The following RPS6KA2 variants were observed in gnomAD, a reference collection of about 807,000 sequenced individuals.
RPS6KA2 encodes ribosomal protein S6 kinase alpha-2.
Under a neutral mutation model 91.8 loss-of-function variants are expected in RPS6KA2, and 42 were observed. The ratio of observed to expected loss-of-function variants is 0.46; its 90% CI spans 0.36 to 0.59. RPS6KA2 has a LOEUF of 0.59. Ranked by LOEUF, RPS6KA2 falls within the 20% of genes least tolerant of loss-of-function variation. RPS6KA2 has a pLI of 0.00. For synonymous variants in RPS6KA2, 414 were observed against 393.6 expected (o/e 1.05, Z -0.61); for missense variants, 798 against 978.5 (o/e 0.82, Z 2.46).
At chr6:166,636,082 C>T (rs1446309035) in intron 2 of RPS6KA2, among the ~76,000 whole-genome samples, 3 of 152,216 alleles carry the variant, frequency 2.0e-5, no homozygotes, top group African/African-American at 4.8e-5. Context: ...ACTGACTCTG[C>T]TACAAAGACC....
At chr6:166,728,326 C>T (rs1044999572) in intron 2 of RPS6KA2, among the ~76,000 whole-genome samples, 10 of 152,188 alleles carry the variant, frequency 6.6e-5, no homozygotes, top group African/African-American at 2.4e-4. Context: ...GACCCAGGTT[C>T]CACGTGGTGT....
At chr6:166,729,004 C>T (rs1189764303) in intron 2 of RPS6KA2, among the ~76,000 whole-genome samples, 1 of 152,228 alleles carries the variant, frequency 6.6e-6, no homozygotes, top group Non-Finnish European at 1.5e-5. Context: ...GTGACTGCTG[C>T]AAAAAGTGAC....
chr6:166,660,314 G>GTGTGTGTGTGTGCA (rs1377866116), intron 2 of RPS6KA2, among the ~76,000 whole-genome samples: 8 of 151,368 alleles, frequency 5.3e-5, no homozygotes, highest in East Asian at 1.9e-4. Flanking sequence ...GTGTGTGCAT[G>GTGTGTGTGTGTGCA]TGTGTGTGTG....
chr6:166,745,213 GCC>G (rs1562413633), intron 2 of RPS6KA2, among the ~76,000 whole-genome samples: 2 of 148,870 alleles, frequency 1.3e-5, no homozygotes, highest in Non-Finnish European at 3.0e-5. Context: ...GTGCAGTGGC[GCC>G]ATCTCGGCTC....
chr6:166,526,106 CCA>C (rs1783018138), intron 3 of RPS6KA2, among the ~76,000 whole-genome samples: 2 of 142,162 alleles, frequency 1.4e-5, no homozygotes, highest in Non-Finnish European at 3.1e-5. Flanking sequence ...ATGGTTAGAT[CCA>C]GGGACCTAAC....
chr6:166,459,533 T>C lies in RPS6KA2; in HGVS notation c.991A>G (p.Ile331Val). 6.2e-7 allele frequency: 1 copy of C among 1,613,670 alleles called. No individual in the cohort carries two copies. The change falls in exon 12 of 21, where the codon ATC becomes GTC. Residue 331 changes from isoleucine (I) to valine (V), a missense_variant. By Grantham distance (29) the Ile-to-Val change is conservative (BLOSUM62 3). Coordinates refer to ENST00000265678, the MANE Select transcript of RPS6KA2 (RefSeq NM_021135.6). This position sits in a 1 kb window ranked among gnomAD's most constrained non-coding sequence, Gnocchi z 4.9. ...ACTGCTGGTTTGAACGGTGGCTTGA[T>C]CTCCTTCCGGTACAGCGTCTATTAA... The part of the protein sequence containing the change: ...IDWNTLYRKE[I>V]KPPFKPAVGR...
rs1387375104 is a variant in RPS6KA2 at position 166,603,969 on chromosome 6, G to A, written c.99+22952C>T. Among the ~76,000 whole-genome samples, 1 of 152,162 alleles carries A rather than the reference G, an allele frequency of 6.6e-6. No individual in the cohort carries two copies. The highest frequency in any genetic ancestry group is 1.5e-5 in the Non-Finnish European group (1 of 68,010). On this transcript the variant is annotated intron_variant, in intron 1 of 20. Transcript: ENST00000265678. The surrounding 1 kb of genome is among the most constrained non-coding windows in gnomAD (Gnocchi z 4.3). ...AAGAACTTCTCCAACTCGTCCTAACGTGTCCCTCCTAGAAGTCACGAAGAG... is the reference window on the plus strand; with the variant it reads ...AAGAACTTCTCCAACTCGTCCTAACATGTCCCTCCTAGAAGTCACGAAGAG...
chr6:166,716,687 A>G (rs1267825625), intron 2 of RPS6KA2, among the ~76,000 whole-genome samples: 2 of 152,224 alleles, frequency 1.3e-5, no homozygotes, highest in East Asian at 1.9e-4. Flanking sequence ...ATTCATTTGG[A>G]AAAATAGTTA....
chr6:166,585,735 T>C (rs1333092031), intron 1 of RPS6KA2, among the ~76,000 whole-genome samples: 1 of 83,308 alleles, frequency 1.2e-5, no homozygotes, highest in East Asian at 2.6e-4. Flanking sequence ...TATCAACCTC[T>C]AGAATTTTAG....
At chr6:166,685,025 C>T (rs116566369) in intron 2 of RPS6KA2, among the ~76,000 whole-genome samples, 95 of 152,344 alleles carry the variant, frequency 6.2e-4, no homozygotes, top group African/African-American at 2.1e-3. Flanking sequence ...GATGTCACTG[C>T]GGGATGGTAG....
intron 1 of RPS6KA2, among the ~76,000 whole-genome samples, chr6:166,599,171 A>G (rs551610079): frequency 6.6e-6 from 1 of 152,368 alleles, no homozygotes; most frequent in South Asian, 2.1e-4. Context: ...GAAAGCAGGT[A>G]GAGGTTTTTA....
intron 3 of RPS6KA2, among the ~76,000 whole-genome samples, chr6:166,524,435 G>C (rs747551821): frequency 1.3e-5 from 2 of 151,974 alleles, no homozygotes; most frequent in Non-Finnish European, 2.9e-5. Flanking sequence ...GGGCGCACCT[G>C]TGTTCTCCGT....
intron 10 of RPS6KA2, among the ~76,000 whole-genome samples, chr6:166,481,463 C>CCTTTGCTGAGTT: frequency 6.6e-6 from 1 of 152,328 alleles, no homozygotes; most frequent in South Asian, 2.1e-4. Flanking sequence ...AGAGTGGAGG[C>CCTTTGCTGAGTT]CTCTGATGAG....
chr6:166,644,089 G>A (rs566485144), intron 2 of RPS6KA2, among the ~76,000 whole-genome samples: 1 of 152,304 alleles, frequency 6.6e-6, no homozygotes, highest in East Asian at 1.9e-4. Flanking sequence ...AGTGCAGAAT[G>A]AGGATTAACT....
rs564792450 is a variant in RPS6KA2, at chr6:166,774,329, G to A, written c.123+83871C>T. On this transcript the variant is annotated intron_variant, in intron 2 of 21. Coordinates refer to the RPS6KA2 transcript ENST00000503859. Reference sequence around the variant, plus strand: ...GACAGTCATGGTCAGGCAGTTGATAGACTCGATATCAGCTATGAATTTCTC... The same window carrying A: ...GACAGTCATGGTCAGGCAGTTGATAAACTCGATATCAGCTATGAATTTCTC... 1.9e-4 allele frequency among the ~76,000 whole-genome samples: 29 copies of A among 152,362 alleles called. No homozygotes were observed. The South Asian group carries it at 5.4e-3, about 28-fold the overall frequency.
At position 166,602,347 on chromosome 6, in the gene RPS6KA2, C is replaced by T. The variant is rs1285575574; in HGVS notation, c.99+24574G>A. 2.0e-4 allele frequency among the ~76,000 whole-genome samples: 31 copies of T among 152,228 alleles called. 1 individual carries two copies. The highest frequency in any genetic ancestry group is 2.0e-3 in the Admixed American group (31 of 15,286). On this transcript the variant is annotated intron_variant, in intron 1 of 20. Transcript: ENST00000265678. ...TGCTCCATGACCCAGCAATCTCACT[C>T]CCAGGTATATACCCGAGAGAACCTC... is the stretch of plus-strand genomic sequence containing the variant.
At chr6:166,769,656 T>G (rs1778413418) in intron 2 of RPS6KA2, among the ~76,000 whole-genome samples, 1 of 152,200 alleles carries the variant, frequency 6.6e-6, no homozygotes, top group African/African-American at 2.4e-5. Context: ...CAGATAGTAG[T>G]ACCACAAGTA....
intron 2 of RPS6KA2, among the ~76,000 whole-genome samples, chr6:166,842,945 G>A (rs780572697): frequency 6.6e-6 from 1 of 152,092 alleles, no homozygotes; most frequent in African/African-American, 2.4e-5. Flanking sequence ...TCCATGAGAC[G>A]CTGAAAAACC....
intron 2 of RPS6KA2, chr6:166,702,807 C>T (rs1789564766): frequency 1.9e-6 from 2 of 1,071,178 alleles, no homozygotes; most frequent in Non-Finnish European, 2.9e-6. Context: ...GGGCGGCGTT[C>T]TCGCTGAGGT....
Sources: gnomAD v4.1 joint callset for allele counts (sites outside exome capture counted in the v4.1 genomes callset) on GRCh38, gnomAD v4.1.1 for gene constraint, Gnocchi (gnomAD v3.1) non-coding constraint, MANE v1.5 for transcripts, NCBI Gene and HGNC (gene_info 2026-07-23, HGNC 2026-07-21) for gene names.